The following SLC9C1 variants were observed in gnomAD, a reference collection of about 807,000 sequenced individuals.
The protein encoded by SLC9C1 is solute carrier family 9 member C1.
In SLC9C1, 97 loss-of-function variants were observed where a neutral mutation model predicts 140.9. That is an observed-to-expected ratio of 0.69 (90% CI 0.58 to 0.82). SLC9C1 has a LOEUF of 0.82. SLC9C1 is among the 40% of genes least tolerant of loss of function. SLC9C1 has a pLI of 0.00. For missense variants in SLC9C1, 1,340 were observed against 1,389.3 expected (o/e 0.96, Z 0.56); for synonymous variants, 440 against 442.6 (o/e 0.99, Z 0.07).
chr3:112,250,426 CTAGTA>C (rs2079421129), intron 10 of SLC9C1, among the ~76,000 whole-genome samples: 1 of 137,744 alleles, frequency 7.3e-6, no homozygotes. Flanking sequence ...GGGTATATAC[CTAGTA>C]ATGGGATGGC....
intron 1 of SLC9C1, among the ~76,000 whole-genome samples, chr3:112,290,749 T>C (rs964800509): frequency 4.6e-5 from 7 of 152,086 alleles, no homozygotes; most frequent in African/African-American, 1.2e-4. Context: ...GTTGAGTGGA[T>C]ATATATTTAG....
At chr3:112,229,530 A>G (rs148230103) in intron 13 of SLC9C1, among the ~76,000 whole-genome samples, 1 of 152,222 alleles carries the variant, frequency 6.6e-6, no homozygotes, top group East Asian at 1.9e-4. Context: ...TTAGAATAAA[A>G]TATTAGTTTG....
intron 17 of SLC9C1, 55 bp from the exon 18 acceptor site, chr3:112,202,454 A>T: frequency 6.6e-7 from 1 of 1,510,976 alleles, no homozygotes; most frequent in Non-Finnish European, 8.9e-7. Flanking sequence ...ATTTTATGAT[A>T]TGTTGATTAG....
At chr3:112,276,532 G>A (rs1016572911) in intron 5 of SLC9C1, among the ~76,000 whole-genome samples, 9 of 152,132 alleles carry the variant, frequency 5.9e-5, no homozygotes, top group African/African-American at 1.9e-4. Flanking sequence ...ATACAGGGAG[G>A]AGAGAAACAA....
At chr3:112,199,810 T>A (rs1295848500) in intron 19 of SLC9C1, among the ~76,000 whole-genome samples, 4 of 152,050 alleles carry the variant, frequency 2.6e-5, no homozygotes, top group African/African-American at 9.7e-5. Flanking sequence ...ATTTTCTTAT[T>A]CTGTGTGAAT....
intron 23 of SLC9C1, among the ~76,000 whole-genome samples, chr3:112,178,951 TA>T (rs568115904): frequency 6.6e-6 from 1 of 152,224 alleles, no homozygotes; most frequent in African/African-American, 2.4e-5. Context: ...TTCTTTCTCT[TA>T]AAAAATCCAT....
intron 28 of SLC9C1, among the ~76,000 whole-genome samples, chr3:112,141,902 T>G (rs1428545508): frequency 2.0e-5 from 3 of 152,176 alleles, no homozygotes; most frequent in Non-Finnish European, 4.4e-5. Flanking sequence ...ATATTTTGCC[T>G]TCCTCTTCAT....
chr3:112,209,661 C>T (rs969715475), intron 15 of SLC9C1, among the ~76,000 whole-genome samples: 24 of 151,952 alleles, frequency 1.6e-4, no homozygotes, highest in African/African-American at 4.6e-4. Context: ...GAAACAAAAT[C>T]GATATATAAA....
In SLC9C1 at chr3:112,169,188, A is replaced by T. The variant is rs766872135; in HGVS notation, c.3051+9T>A. ...GAAAGAAAGACAAGTTTATACAAGC[A>T]CTTCCTACCTCATAAGATAAGTGTT... On this transcript the variant is annotated intron_variant, in intron 24 of 28. Coordinates refer to ENST00000305815, the MANE Select transcript of SLC9C1 (RefSeq NM_183061.3). The T allele has an allele frequency of 6.2e-7, 1 of 1,605,972 alleles. No individual in the cohort carries two copies.
rs6801501 is a variant in SLC9C1 at position 112,264,546 on chromosome 3, T to C, written c.879-203A>G. Among the ~76,000 whole-genome samples the C allele has an allele frequency of 0.3, 44,788 of 151,668 alleles. 6,796 individuals carry two copies. The highest frequency in any genetic ancestry group is 0.36 in the East Asian group (1,868 of 5,176). On this transcript the variant is annotated intron_variant, in intron 8 of 28. Transcript: ENST00000305815. ...AAGAAATGACCTGGATAAAGAGGAA[T>C]TGAAAATATGAGATGGGTGAAGGTC...
chr3:112,288,324 T>C (rs577882130), intron 1 of SLC9C1, among the ~76,000 whole-genome samples: 23 of 152,308 alleles, frequency 1.5e-4, no homozygotes, highest in African/African-American at 4.8e-4. Flanking sequence ...TAGTGGCTCT[T>C]ACAGGTTTTA....
chr3:112,220,430 A>T (rs2108121045), intron 14 of SLC9C1, among the ~76,000 whole-genome samples: 1 of 152,326 alleles, frequency 6.6e-6, no homozygotes, highest in South Asian at 2.1e-4. Context: ...ATGGACCAGG[A>T]CTAGAGGCCC....
At chr3:112,201,071 AACTT>A (rs1190666799) in intron 18 of SLC9C1, among the ~76,000 whole-genome samples, 4 of 152,104 alleles carry the variant, frequency 2.6e-5, no homozygotes. Flanking sequence ...AACGTTATAA[AACTT>A]AATTTGTCAA....
intron 23 of SLC9C1, among the ~76,000 whole-genome samples, chr3:112,177,309 AC>A (rs1389770251): frequency 6.6e-6 from 1 of 151,096 alleles, no homozygotes; most frequent in Non-Finnish European, 1.5e-5. Flanking sequence ...ACCTTGCCTG[AC>A]TCCTGGTATC....
At chr3:112,281,129 T>C (rs1217466554) in intron 2 of SLC9C1, among the ~76,000 whole-genome samples, 1 of 152,216 alleles carries the variant, frequency 6.6e-6, no homozygotes, top group Non-Finnish European at 1.5e-5. Flanking sequence ...AATAAAAGAT[T>C]AGTAAGTAAA....
chr3:112,169,907 A>C (rs1281732435), intron 23 of SLC9C1, among the ~76,000 whole-genome samples: 1 of 152,116 alleles, frequency 6.6e-6, no homozygotes, highest in Non-Finnish European at 1.5e-5. Context: ...TTCTTTCCAT[A>C]AATGGTATTG....
At chr3:112,288,183 T>G (rs1357102218) in intron 1 of SLC9C1, among the ~76,000 whole-genome samples, 1 of 152,050 alleles carries the variant, frequency 6.6e-6, no homozygotes, top group Non-Finnish European at 1.5e-5. Flanking sequence ...TTTTCTTATG[T>G]CTTCCTTTTT....
At chr3:112,214,584 C>T (rs939890479) in intron 15 of SLC9C1, among the ~76,000 whole-genome samples, 1 of 152,144 alleles carries the variant, frequency 6.6e-6, no homozygotes, top group Non-Finnish European at 1.5e-5. Context: ...ATAAACACCT[C>T]TACACAAATA....
intron 1 of SLC9C1, among the ~76,000 whole-genome samples, chr3:112,287,737 G>A (rs1434145916): frequency 1.3e-5 from 2 of 152,116 alleles, no homozygotes; most frequent in South Asian, 2.1e-4. Context: ...CATCTCATAT[G>A]GCTGCCTTAC....
Sources: allele counts gnomAD v4.1 joint callset (sites outside exome capture counted in the v4.1 genomes callset), GRCh38; gene constraint gnomAD v4.1.1; transcripts MANE v1.5; gene names NCBI Gene and HGNC (gene_info 2026-07-23, HGNC 2026-07-21).